Variants in MAD1L1 observed in about 807,000 individuals in gnomAD.
The protein encoded by MAD1L1 is mitotic arrest deficient 1 like 1.
A neutral mutation model predicts 96.9 loss-of-function variants in MAD1L1; 95 were observed. The observed-to-expected ratio is 0.98, with a 90% CI of 0.83 to 1.16. The LOEUF (loss-of-function observed/expected upper bound fraction) is 1.16. MAD1L1 is among the 50% of genes most tolerant of loss of function. MAD1L1 has a pLI of 0.00. For missense variants in MAD1L1, 1,007 were observed against 954.4 expected, an observed-to-expected ratio of 1.06 and a Z score of -0.73; for synonymous variants, 473 against 396.6, an observed-to-expected ratio of 1.19 and a Z score of -2.29.
chr7:2,029,459 C>T (rs1216328425), intron 12 of MAD1L1, among the ~76,000 whole-genome samples: 4 of 152,128 alleles, frequency 2.6e-5, no homozygotes, highest in East Asian at 3.8e-4. Flanking sequence ...TGTTCCCGAC[C>T]GTGGAGCTGA....
In MAD1L1 at chr7:2,215,514, A is replaced by G. The variant is rs190880339; in HGVS notation, c.924+371T>C. 4.5e-3 allele frequency among the ~76,000 whole-genome samples: 678 copies of G among 152,066 alleles called. 3 individuals carry two copies. Among genetic ancestry groups the G allele is most frequent in the Non-Finnish European group, 5.4e-3 (369 of 67,976 alleles). On this transcript the variant is annotated intron_variant, in intron 9 of 18. Coordinates refer to ENST00000265854, the MANE Select transcript of MAD1L1 (RefSeq NM_001013836.2). ...TTCTGCAGATTCCAGGGGACAGTCC[A>G]CTTCCCTGCTCTTTCCAGCTTCCAG...
chr7:1,912,820 G>A (rs182608055), intron 17 of MAD1L1, among the ~76,000 whole-genome samples: 23 of 152,330 alleles, frequency 1.5e-4, no homozygotes, highest in African/African-American at 3.4e-4. Context: ...ATCTGTTTCC[G>A]GAAGCTTCCC....
chr7:1,839,987 C>T (rs1362987522), intron 18 of MAD1L1, among the ~76,000 whole-genome samples: 1 of 152,252 alleles, frequency 6.6e-6, no homozygotes, highest in Non-Finnish European at 1.5e-5. Context: ...AGCAGGACCC[C>T]CGCATTACTG....
chr7:2,033,861 G>GT (rs1783343623), intron 12 of MAD1L1, among the ~76,000 whole-genome samples: 1 of 152,226 alleles, frequency 6.6e-6, no homozygotes, highest in Non-Finnish European at 1.5e-5. Context: ...TCCCAGCACT[G>GT]TGAGAGGCCG....
chr7:1,926,286 G>A (rs901335770), intron 17 of MAD1L1, among the ~76,000 whole-genome samples: 1 of 152,218 alleles, frequency 6.6e-6, no homozygotes, highest in African/African-American at 2.4e-5. Context: ...CCTAGGCCCA[G>A]ATGGTTTCAC....
intron 18 of MAD1L1, among the ~76,000 whole-genome samples, chr7:1,855,810 C>G (rs1784219604): frequency 6.6e-6 from 1 of 152,142 alleles, no homozygotes. Flanking sequence ...TCCCCAGCTC[C>G]AGAGAGGCTT....
Position 2,053,503 on chromosome 7 carries a change from G to A in MAD1L1, c.1218+15691C>T, listed in dbSNP as rs149809966. Among the ~76,000 whole-genome samples, 24 of 152,360 alleles carry A rather than the reference G, an allele frequency of 1.6e-4. No individual in the cohort carries two copies. In the East Asian group the frequency reaches 2.5e-3, roughly 16 times the overall value. ...GCCTCAATGCTATGAGCCGGACGCC[G>A]GGGATGATCTGGGTTCCGGGAAGTA... On this transcript the variant is annotated intron_variant, in intron 12 of 18. Transcript: ENST00000265854.
chr7:1,920,255 T>C (rs938478691), intron 17 of MAD1L1, among the ~76,000 whole-genome samples: 7 of 152,178 alleles, frequency 4.6e-5, no homozygotes, highest in African/African-American at 1.4e-4. Context: ...TGCGTGCGTG[T>C]GCATGTGCGT....
At chr7:2,042,067 G>A (rs1003761832) in intron 12 of MAD1L1, among the ~76,000 whole-genome samples, 9 of 148,462 alleles carry the variant, frequency 6.1e-5, no homozygotes, top group Non-Finnish European at 1.2e-4. Context: ...ACAGATGCAC[G>A]TACACACATA....
intron 18 of MAD1L1, chr7:1,847,807 T>C (rs1252415650): frequency 9.6e-6 from 4 of 418,474 alleles, no homozygotes; most frequent in Admixed American, 7.5e-5. Context: ...CTAGCACCCC[T>C]TGGCCGGCTC....
intron 10 of MAD1L1, among the ~76,000 whole-genome samples, chr7:2,149,842 T>G (rs1295602524): frequency 6.6e-6 from 1 of 152,200 alleles, no homozygotes. Flanking sequence ...GAGCCACATC[T>G]TCTAACTCAA....
chr7:1,857,988 G>A (rs980539620), intron 18 of MAD1L1, among the ~76,000 whole-genome samples: 14 of 152,226 alleles, frequency 9.2e-5, no homozygotes, highest in Admixed American at 7.8e-4. Flanking sequence ...GCTGGCAACC[G>A]CTGTCCACAG....
chr7:2,093,439 A>C (rs534725986), intron 11 of MAD1L1, among the ~76,000 whole-genome samples: 2 of 152,332 alleles, frequency 1.3e-5, no homozygotes, highest in African/African-American at 4.8e-5. Context: ...AATGCCAGGA[A>C]GGATCCTGGC....
At chr7:1,829,235 G>C (rs1293420137) in intron 18 of MAD1L1, among the ~76,000 whole-genome samples, 1 of 152,226 alleles carries the variant, frequency 6.6e-6, no homozygotes, top group Non-Finnish European at 1.5e-5. Context: ...CAGCCCTTCA[G>C]CGTGACTTAC....
At chr7:1,964,779 T>C (rs1022814922) in intron 15 of MAD1L1, among the ~76,000 whole-genome samples, 9 of 152,302 alleles carry the variant, frequency 5.9e-5, no homozygotes, top group African/African-American at 2.2e-4. Flanking sequence ...AACAAACCCA[T>C]CACACACGGG....
At chr7:2,076,917 G>C (rs1324072963) in intron 11 of MAD1L1, among the ~76,000 whole-genome samples, 1 of 149,040 alleles carries the variant, frequency 6.7e-6, no homozygotes, top group Non-Finnish European at 1.5e-5. Flanking sequence ...TGAGCCCACA[G>C]CATGGTCAGC....
chr7:1,909,612 G>A (rs1048815187), intron 17 of MAD1L1, among the ~76,000 whole-genome samples: 4 of 152,084 alleles, frequency 2.6e-5, no homozygotes, highest in Non-Finnish European at 4.4e-5. Context: ...GCCCCACAGC[G>A]CCCCACCTGG....
At chr7:2,179,865 G>A (rs368199452) in intron 10 of MAD1L1, among the ~76,000 whole-genome samples, 36 of 152,092 alleles carry the variant, frequency 2.4e-4, no homozygotes, top group African/African-American at 8.4e-4. Flanking sequence ...CAGCTACTCG[G>A]GAGGCTGAGG....
rs769876497 is a variant in MAD1L1, at chr7:2,230,152, G to C, written c.-10-9C>G. On this transcript the variant is annotated splice_polypyrimidine_tract_variant and intron_variant, in intron 2 of 18. Transcript: ENST00000265854. ...CTTCCATGGTTGCTTTCCTTCCGGGGACAGACAAAGGACTGGTCAGGGGCA... is the reference window on the plus strand; with the variant it reads ...CTTCCATGGTTGCTTTCCTTCCGGGCACAGACAAAGGACTGGTCAGGGGCA... 2.5e-5 allele frequency: 40 copies of C among 1,574,446 alleles called. No individual in the cohort carries two copies. The East Asian group carries it at 5.8e-4, about 23-fold the overall frequency.
Sources: allele counts gnomAD v4.1 joint callset (sites outside exome capture counted in the v4.1 genomes callset), GRCh38; gene constraint gnomAD v4.1.1; transcripts MANE v1.5; gene names NCBI Gene and HGNC (gene_info 2026-07-23, HGNC 2026-07-21).